The following CLIP4 variants were observed in gnomAD, a reference collection of about 807,000 sequenced individuals.
CLIP4 encodes the protein CAP-Gly domain containing linker protein family member 4.
In CLIP4, 47 loss-of-function variants were observed where a neutral mutation model predicts 73.1. The ratio of observed to expected loss-of-function variants is 0.64; its 90% CI spans 0.51 to 0.82. CLIP4 has a LOEUF of 0.82. Ranked by LOEUF, CLIP4 falls within the 40% of genes least tolerant of loss-of-function variation. CLIP4 has a pLI of 0.00. For synonymous variants in CLIP4, 306 were observed against 295.4 expected (o/e 1.04, Z -0.37); for missense variants, 874 against 852.9 (o/e 1.02, Z -0.31).
chr2:29,107,358 G>GTTTTTTTTTTTTTTTTTTTTTTTTTTTT (rs796180363), intron 1 of CLIP4, among the ~76,000 whole-genome samples: 2 of 65,350 alleles, frequency 3.1e-5, no homozygotes, highest in Non-Finnish European at 3.0e-5. Flanking sequence ...GAACATGATA[G>GTTTTTTTTTTTTTTTTTTTTTTTTTTTT]TTTTTTTTTT....
chr2:29,167,692 C>T (rs1474821874), intron 14 of CLIP4, 152 bp downstream of exon 14: 5 of 507,210 alleles, frequency 9.9e-6, no homozygotes, highest in Non-Finnish European at 1.7e-5. Context: ...TACCTGTCCC[C>T]TGGCTGAAGA....
chr2:29,119,260 A>G (rs1358540844), intron 1 of CLIP4, among the ~76,000 whole-genome samples: 1 of 152,174 alleles, frequency 6.6e-6, no homozygotes, highest in Admixed American at 6.5e-5. Flanking sequence ...TAAGCTTTGA[A>G]TATTAGTTAA....
intron 1 of CLIP4, among the ~76,000 whole-genome samples, chr2:29,100,708 T>C (rs1008708747): frequency 2.6e-5 from 4 of 151,382 alleles, no homozygotes; most frequent in Non-Finnish European, 5.9e-5. Context: ...TAAGTGCAGG[T>C]AGATTACAGG....
rs1387665810 is a variant in CLIP4 at position 29,131,347 on chromosome 2, A to AC, written c.223_224insC (p.Arg75ThrfsTer12). ...AGTTTCAGAATTATTTGCCATTTTG[A>AC]GACAGTGGGTTCCTCAGGTCCAACA... On this transcript the variant is annotated frameshift_variant, in exon 3 of 16. Coordinates refer to ENST00000320081, the MANE Select transcript of CLIP4 (RefSeq NM_024692.6). LOFTEE classifies it high-confidence loss of function. The AC allele has an allele frequency of 4.3e-6, 7 of 1,610,222 alleles. No individual in the cohort carries two copies. In the Admixed American group the frequency reaches 6.7e-5, roughly 15 times the overall value.
At chr2:29,154,089 A>T (rs1572975099) in intron 9 of CLIP4, among the ~76,000 whole-genome samples, 1 of 152,332 alleles carries the variant, frequency 6.6e-6, no homozygotes, top group East Asian at 1.9e-4. Flanking sequence ...CTTTGAAAAT[A>T]TCCCAACAAA....
intron 1 of CLIP4, among the ~76,000 whole-genome samples, chr2:29,105,184 C>T (rs1264635049): frequency 6.6e-6 from 1 of 152,146 alleles, no homozygotes; most frequent in Non-Finnish European, 1.5e-5. Flanking sequence ...TAACTTGTCT[C>T]AACTTCATTT....
rs568717194 is a variant in CLIP4 at position 29,148,180 on chromosome 2, C to T, written c.1021+2813C>T. ...GAAAATGGGTATAGCCCTTGACAGC[C>T]CTGGGAGCCCCAGGTCACGGCTAAG... On this transcript the variant is annotated intron_variant, in intron 8 of 15. Transcript: ENST00000320081. 7.2e-5 allele frequency among the ~76,000 whole-genome samples: 11 copies of T among 152,220 alleles called. 1 individual carries two copies. The East Asian group carries it at 2.1e-3, about 30-fold the overall frequency.
Position 29,159,921 on chromosome 2 carries a change from G to A in CLIP4, c.1400-412G>A, listed in dbSNP as rs182899622. ...CTATATCTACTTTCATGCTGCAACA[G>A]CAGAGTTCAATAGTTGTGGCAGAGG... On this transcript the variant is annotated intron_variant, in intron 11 of 15. Transcript: ENST00000320081. 2.6e-5 allele frequency among the ~76,000 whole-genome samples: 4 copies of A among 152,328 alleles called. No homozygotes were observed. In the East Asian group the frequency reaches 7.7e-4, roughly 29 times the overall value.
In CLIP4 at chr2:29,152,691, T is replaced by C. The variant is rs748341201; in HGVS notation, c.1028T>C (p.Phe343Ser). 12 of 1,612,882 alleles carry C rather than the reference T, an allele frequency of 7.4e-6. No individual in the cohort carries two copies. Among genetic ancestry groups the C allele is most frequent in the Non-Finnish European group, 1.0e-5 (12 of 1,179,544 alleles). Residue 343 changes from phenylalanine (F) to serine (S), a missense_variant, in exon 9 of 16, where the codon TTT becomes TCT. Physicochemically the swap from Phe to Ser is radical, Grantham distance 155. Transcript: ENST00000320081. ...ATTCTGCATTCTCCCTTAGGTATTT[T>C]TGCACCTCTTTCAAAGATAAGTAAA... ...YFKCAPKYGI[F>S]APLSKISKAK... is the part of the protein sequence containing the mutation.
chr2:29,112,301 T>A (rs908243984), upstream of CLIP4, among the ~76,000 whole-genome samples: 3 of 152,240 alleles, frequency 2.0e-5, no homozygotes, highest in African/African-American at 7.2e-5. Flanking sequence ...TCTGCTGGAA[T>A]TTTGGTTGCC....
At chr2:29,131,197 A>G (rs1251813182) in intron 2 of CLIP4, 61 bp from the exon 3 acceptor site, 27 of 1,332,036 alleles carry the variant, frequency 2.0e-5, no homozygotes, top group Non-Finnish European at 2.8e-5. Flanking sequence ...ATTGTTTATT[A>G]TTTTCAATAT....
chr2:29,147,983 G>A (rs900498566), intron 8 of CLIP4, among the ~76,000 whole-genome samples: 14 of 152,140 alleles, frequency 9.2e-5, no homozygotes, highest in Admixed American at 3.3e-4. Flanking sequence ...ATAGGGCAGA[G>A]GTAAATCAGA....
At chr2:29,174,911 T>C (rs950186427) in intron 15 of CLIP4, among the ~76,000 whole-genome samples, 2 of 152,100 alleles carry the variant, frequency 1.3e-5, no homozygotes, top group Non-Finnish European at 2.9e-5. Context: ...GCAGAGAGAA[T>C]GCCCTTTTCT....
At chr2:29,164,488 T>A (rs1033978308) in intron 13 of CLIP4, among the ~76,000 whole-genome samples, 3 of 152,192 alleles carry the variant, frequency 2.0e-5, no homozygotes, top group Admixed American at 2.0e-4. Flanking sequence ...AGATAGTATC[T>A]TTCATACCAC....
intron 15 of CLIP4, among the ~76,000 whole-genome samples, chr2:29,176,264 GTGC>G (rs1324690018): frequency 1.3e-5 from 2 of 152,202 alleles, no homozygotes; most frequent in African/African-American, 4.8e-5. Flanking sequence ...ATTGTGTGTT[GTGC>G]TGTTGTTAAC....
intron 8 of CLIP4, among the ~76,000 whole-genome samples, 174 bp downstream of exon 8, chr2:29,145,541 C>A (rs182074581): frequency 5.5e-4 from 83 of 152,050 alleles, no homozygotes; most frequent in African/African-American, 1.9e-3. Flanking sequence ...TTTACACTGA[C>A]GAGAGGCGAC....
chr2:29,124,074 C>T (rs2148469096), intron 2 of CLIP4, among the ~76,000 whole-genome samples: 1 of 152,208 alleles, frequency 6.6e-6, no homozygotes, highest in African/African-American at 2.4e-5. Flanking sequence ...CATGTAGTTA[C>T]CATTTCTAGT....
At chr2:29,169,329 C>CTG (rs70958249) in intron 14 of CLIP4, among the ~76,000 whole-genome samples, 247 of 140,414 alleles carry the variant, frequency 1.8e-3, no homozygotes, top group African/African-American at 5.6e-3. Flanking sequence ...GTCTTTTTCA[C>CTG]TGTGTGTGTG....
chr2:29,151,244 T>C (rs1666543931), intron 8 of CLIP4, among the ~76,000 whole-genome samples: 1 of 152,210 alleles, frequency 6.6e-6, no homozygotes, highest in Non-Finnish European at 1.5e-5. Flanking sequence ...TACCATTAAA[T>C]ATAATTATTT....
Sources: allele counts gnomAD v4.1 joint callset (sites outside exome capture counted in the v4.1 genomes callset), GRCh38; gene constraint gnomAD v4.1.1; transcripts MANE v1.5; gene names NCBI Gene and HGNC (gene_info 2026-07-23, HGNC 2026-07-21).